The following DGKZ variants were observed in gnomAD, a reference collection of about 807,000 sequenced individuals.
DGKZ encodes diacylglycerol kinase zeta.
In DGKZ, 45 loss-of-function variants were observed where a neutral mutation model predicts 142.5. The ratio of observed to expected loss-of-function variants is 0.32; its 90% CI spans 0.25 to 0.40. DGKZ has a LOEUF of 0.40. Ranked by LOEUF, DGKZ falls within the 10% of genes least tolerant of loss-of-function variation. The pLI, the probability that DGKZ is intolerant of heterozygous loss-of-function variation, is 1.00. For synonymous variants in DGKZ, 442 were observed against 527.0 expected (o/e 0.84, Z 2.21); for missense variants, 755 against 1,306.5 (o/e 0.58, Z 6.51).
chr11:46,372,722 A>C lies in DGKZ; in HGVS notation c.1071+45A>C. 2 of 1,611,694 alleles carry C rather than the reference A, an allele frequency of 1.2e-6. No homozygotes were observed. Among genetic ancestry groups the C allele is most frequent in the Non-Finnish European group, 1.7e-6 (2 of 1,179,034 alleles). On this transcript the variant is annotated intron_variant, in intron 12 of 30. Transcript: ENST00000527911. This position sits in a 1 kb window ranked among gnomAD's most constrained non-coding sequence, Gnocchi z 5.9. ...CAGCCGAGCACCAGGGCTGGGCCTG[A>C]AGCCGGGGTCCCTGTGGGCCTGATT...
At chr11:46,352,065 AGT>A (rs776308420) in intron 1 of DGKZ, among the ~76,000 whole-genome samples, 12 of 152,224 alleles carry the variant, frequency 7.9e-5, no homozygotes, top group South Asian at 2.1e-4. Flanking sequence ...GCTGGGGGAG[AGT>A]GAGAGAAACG....
chr11:46,376,003 C>T (rs748448895), intron 21 of DGKZ, 52 bp downstream of exon 21: 13 of 1,611,582 alleles, frequency 8.1e-6, no homozygotes, highest in South Asian at 2.2e-5. Context: ...CTGAAGCAGC[C>T]GGGGCCCCCT....
intron 1 of DGKZ, among the ~76,000 whole-genome samples, chr11:46,359,386 A>G (rs558984914): frequency 1.3e-5 from 2 of 152,138 alleles, no homozygotes; most frequent in African/African-American, 4.8e-5. Context: ...CTGGGGTTGC[A>G]GTGAGCTGAG....
At chr11:46,333,611 C>T (rs920426550) in intron 1 of DGKZ, 2 of 866,506 alleles carry the variant, frequency 2.3e-6, no homozygotes, top group East Asian at 2.9e-5. Context: ...AGATGACTGC[C>T]GAGGGATCTC....
At chr11:46,333,330 C>G in exon 1 of DGKZ, 1 of 1,328,374 alleles carries the variant, frequency 7.5e-7, no homozygotes, top group Non-Finnish European at 9.6e-7. Context: ...TGGCGGCGGC[C>G]GGGCAGCCGA....
chr11:46,373,276 T>G (rs1228148498), intron 14 of DGKZ, among the ~76,000 whole-genome samples, 175 bp downstream of exon 14: 1 of 147,562 alleles, frequency 6.8e-6, no homozygotes, highest in Admixed American at 6.7e-5. Context: ...TTTTCTGTGT[T>G]TTTTTTTTGT....
rs1393180337 is a variant in DGKZ at position 46,367,135 on chromosome 11, T to A, written c.162-156T>A. 2.4e-5 allele frequency: 30 copies of A among 1,274,348 alleles called. 1 individual carries two copies. In the Admixed American group the frequency reaches 5.0e-4, roughly 21 times the overall value. 78.9% of individuals were successfully genotyped at this position (1,274,348 alleles called of 1,614,324 possible). On this transcript the variant is annotated intron_variant, in intron 1 of 30. Transcript: ENST00000527911. This position sits in a 1 kb window ranked among gnomAD's most constrained non-coding sequence, Gnocchi z 4.1. The stretch of plus-strand genomic sequence containing the variant: ...AGCCAGCGTACCCCAAAAGGCCATG[T>A]CTCTTGCAGGGAGCCTCTTAGTGTC...
Position 46,347,802 on chromosome 11 carries a change from T to C in DGKZ, c.143T>C (p.Leu48Pro). ...CTCAACAAGCGGCGCTTCCCGGGGC[T>C]GCGGCTCTTCGGGCACAGGTGAGCG... The change falls in exon 1 of 31, where the codon CTG (leucine) becomes CCG (proline). Residue 48 changes from leucine (L) to proline (P), a missense_variant. Transcript: ENST00000527911. This position sits in a 1 kb window ranked among gnomAD's most constrained non-coding sequence, Gnocchi z 6.4. The C allele has an allele frequency of 7.5e-7, 1 of 1,330,300 alleles. No homozygotes were observed. Among genetic ancestry groups the C allele is most frequent in the Non-Finnish European group, 9.6e-7 (1 of 1,037,404 alleles). The allele number at this position is 1,330,300 out of a possible 1,614,324, so 82.4% of individuals were successfully genotyped here.
At chr11:46,366,371 G>T in intron 1 of DGKZ, 2 of 1,519,530 alleles carry the variant, frequency 1.3e-6, no homozygotes, top group Non-Finnish European at 1.8e-6. Flanking sequence ...TCGCTCCCCC[G>T]CTGGGCAGGC....
Position 46,347,879 on chromosome 11 carries a change from C to A in DGKZ, c.161+59C>A. ...CACCGGCAGGTTACCGCTCCCTCAC[C>A]GGGGGACATTCCTCGGCCACTGGGG... On this transcript the variant is annotated intron_variant, in intron 1 of 30. Transcript: ENST00000527911. This position sits in a 1 kb window ranked among gnomAD's most constrained non-coding sequence, Gnocchi z 6.4. 4 of 1,266,506 alleles carry A rather than the reference C, an allele frequency of 3.2e-6. No individual in the cohort carries two copies. The highest frequency in any genetic ancestry group is 4.0e-6 in the Non-Finnish European group (4 of 1,004,350). The allele number at this position is 1,266,506 out of a possible 1,614,324, so 78.5% of individuals were successfully genotyped here. A position where few individuals can be genotyped will look rare whatever the true frequency, so the allele number is the denominator to read the frequency against.
chr11:46,366,772 ATATGACC>A (rs979239102), intron 1 of DGKZ: 2 of 1,548,944 alleles, frequency 1.3e-6, no homozygotes, highest in African/African-American at 2.7e-5. Flanking sequence ...CGGATGCCGT[ATATGACC>A]ACGCTCTCTG....
chr11:46,378,193 T>C lies in DGKZ; in HGVS notation c.2343-5T>C, dbSNP rs373262863. 5.0e-6 allele frequency: 8 copies of C among 1,609,124 alleles called. No individual in the cohort carries two copies. In the African/African-American group the frequency reaches 9.3e-5, roughly 19 times the overall value. On this transcript the variant is annotated splice_polypyrimidine_tract_variant and splice_region_variant and intron_variant, in intron 25 of 30. Transcript: ENST00000527911. ...CCGGTCACAGCACATCATGCTCTGT[T>C]GCAGGTCACTGCAAGGGGATGCTGC... is the stretch of plus-strand genomic sequence containing the variant.
chr11:46,345,654 TG>T, upstream of DGKZ: 2 of 1,411,850 alleles, frequency 1.4e-6, no homozygotes, highest in Non-Finnish European at 1.9e-6. The surrounding 1 kb of genome is among the most constrained non-coding windows in gnomAD (Gnocchi z 4.1). Context: ...TTATCTGAGA[TG>T]GGGGTGACAG....
intron 19 of DGKZ, 51 bp from the exon 20 acceptor site, chr11:46,375,381 C>T: frequency 6.6e-7 from 1 of 1,517,214 alleles, no homozygotes; most frequent in Non-Finnish European, 8.8e-7. Flanking sequence ...GTCTGGGACC[C>T]CCCTGCCCCC....
chr11:46,377,526 C>A, intron 25 of DGKZ: 1 of 427,278 alleles, frequency 2.3e-6, no homozygotes, highest in Non-Finnish European at 4.1e-6. Context: ...CTGCCACGCC[C>A]TGGCCCCCAG....
downstream of DGKZ, chr11:46,380,444 C>T (rs942764161): frequency 6.5e-6 from 1 of 154,804 alleles, no homozygotes; most frequent in Non-Finnish European, 1.4e-5. Context: ...ACCCTCCCCG[C>T]TCCCCTGTCA....
At chr11:46,371,416 C>T (rs753016783) in intron 7 of DGKZ, 32 bp downstream of exon 7, 2 of 1,611,634 alleles carry the variant, frequency 1.2e-6, no homozygotes, top group Admixed American at 3.3e-5. Context: ...AGGGCCAGGC[C>T]CTGCACTGCT....
chr11:46,379,577 A>ACGGCGGGCT lies in DGKZ; in HGVS notation c.2688+13_2688+14insGGGCTCGGC. ...TGAAGACAGACCAGCAGGTGAGCAG[A>ACGGCGGGCT]CGGCAGGCAGGGAGCCCACGAGGGC... On this transcript the variant is annotated intron_variant, in intron 30 of 30. Coordinates refer to ENST00000527911, the Ensembl canonical transcript of DGKZ. 1 of 1,601,782 alleles carries ACGGCGGGCT rather than the reference A, an allele frequency of 6.2e-7. No homozygotes were observed. The highest frequency in any genetic ancestry group is 8.5e-7 in the Non-Finnish European group (1 of 1,174,702).
chr11:46,366,514 C>T, intron 1 of DGKZ: 1 of 1,591,292 alleles, frequency 6.3e-7, no homozygotes, highest in African/African-American at 1.3e-5. Context: ...ACCCCCGCTT[C>T]ATCGTGGATA....
Sources: allele counts gnomAD v4.1 joint callset (sites outside exome capture counted in the v4.1 genomes callset), GRCh38; gene constraint gnomAD v4.1.1; non-coding constraint Gnocchi (gnomAD v3.1); transcripts MANE v1.5; gene names NCBI Gene and HGNC (gene_info 2026-07-23, HGNC 2026-07-21).